The following SMG6 variants were observed in gnomAD, a reference collection of about 807,000 sequenced individuals.
The protein encoded by SMG6 is SMG6 nonsense mediated mRNA decay factor, also known as telomerase-binding protein EST1A.
Under a neutral mutation model 142.2 loss-of-function variants are expected in SMG6, and 66 were observed. The ratio of observed to expected loss-of-function variants is 0.46; its 90% CI spans 0.38 to 0.57. The LOEUF is 0.57. Among genes scored for constraint, SMG6 ranks in the 20% least tolerant of loss-of-function variants. The probability of loss-of-function intolerance (pLI) is 0.00; values close to 1 mark genes in which losing one functional copy is unlikely to be tolerated. For missense variants in SMG6, 1,793 were observed against 1,832.0 expected (o/e 0.98, Z 0.39); for synonymous variants, 779 against 702.4 (o/e 1.11, Z -1.72).
intron 8 of SMG6, among the ~76,000 whole-genome samples, chr17:2,249,351 A>G (rs772434740): frequency 1.3e-5 from 2 of 152,208 alleles, no homozygotes; most frequent in African/African-American, 2.4e-5. Flanking sequence ...CCTGGAGTGC[A>G]GTGGCAACAT....
At position 2,292,933 on chromosome 17, in the gene SMG6, T is replaced by C. The variant is rs2075071027; in HGVS notation, c.2196A>G (p.Gln732=). The change falls in exon 5 of 19, where the codon CAA becomes CAG. Residue 732 remains glutamine (Q), a synonymous_variant. Coordinates refer to ENST00000263073, the MANE Select transcript of SMG6 (RefSeq NM_017575.5). The part of the protein sequence containing the change: ...LISAQRCMIC[Q]GDIARYREQA... ...GCTCCCGGTACCTAGCAATATCTCC[T>C]TGGCATATCATGCATCGCTGGGCAC... 6.2e-7 allele frequency: 1 copy of C among 1,614,014 alleles called. No homozygotes were observed.
intron 10 of SMG6, among the ~76,000 whole-genome samples, chr17:2,221,480 A>C (rs1382995671): frequency 1.3e-5 from 2 of 152,162 alleles, no homozygotes; most frequent in East Asian, 3.8e-4. Flanking sequence ...GAGCCAATTA[A>C]ACTTCTTTTC....
In SMG6 at chr17:2,236,798, T is replaced by C. The variant is rs529379373; in HGVS notation, c.2724-161A>G. On this transcript the variant is annotated intron_variant, in intron 9 of 18. Coordinates refer to ENST00000263073, the MANE Select transcript of SMG6 (RefSeq NM_017575.5). ...CATTTCTTTGCTACTTTCACAAACC[T>C]TCCCGGTATCCTGCAATTTTGAACA... The C allele has an allele frequency of 1.9e-5, 25 of 1,315,260 alleles. No individual in the cohort carries two copies. In the East Asian group the frequency reaches 6.5e-4, roughly 34 times the overall value. 81.5% of individuals were successfully genotyped at this position (1,315,260 alleles called of 1,614,324 possible). A position where few individuals can be genotyped will look rare whatever the true frequency, so the allele number is the denominator to read the frequency against.
chr17:2,112,365 A>C (rs560699159), intron 13 of SMG6, among the ~76,000 whole-genome samples: 1 of 151,510 alleles, frequency 6.6e-6, no homozygotes, highest in Admixed American at 6.6e-5. Context: ...AAAATTAGCC[A>C]GGCGTCGTGG....
At chr17:2,283,293 G>A (rs1320537101) in intron 7 of SMG6, among the ~76,000 whole-genome samples, 7 of 152,176 alleles carry the variant, frequency 4.6e-5, no homozygotes, top group East Asian at 1.9e-4. Flanking sequence ...AAGTAGCAGA[G>A]TGTCATCTGC....
intron 13 of SMG6, among the ~76,000 whole-genome samples, chr17:2,112,007 A>G (rs2069335065): frequency 6.6e-6 from 1 of 152,148 alleles, no homozygotes; most frequent in Non-Finnish European, 1.5e-5. Flanking sequence ...CAGCAAGTAC[A>G]TATTTACAAA....
chr17:2,144,740 T>C (rs921279170), intron 13 of SMG6, among the ~76,000 whole-genome samples: 5 of 152,114 alleles, frequency 3.3e-5, no homozygotes, highest in Non-Finnish European at 5.9e-5. Context: ...TCAAGGTTTT[T>C]CAGAGTACAT....
intron 8 of SMG6, among the ~76,000 whole-genome samples, chr17:2,269,492 A>G (rs1567734048): frequency 6.6e-6 from 1 of 151,744 alleles, no homozygotes; most frequent in Non-Finnish European, 1.5e-5. Context: ...AGCAAATACA[A>G]CAAGTTGAGC....
intron 13 of SMG6, among the ~76,000 whole-genome samples, chr17:2,159,278 A>T (rs778776398): frequency 6.6e-6 from 1 of 152,054 alleles, no homozygotes; most frequent in African/African-American, 2.4e-5. Flanking sequence ...TAAAAAAATT[A>T]GGTGGGTGTG....
At position 2,258,028 on chromosome 17, in the gene SMG6, A is replaced by ATATAT. The variant is rs1260585332; in HGVS notation, c.2662-13310_2662-13309insATATA. On this transcript the variant is annotated intron_variant, in intron 8 of 18. Transcript: ENST00000263073. ...TGTCGCAAAAAAAAAAAAAAAAAAA[A>ATATAT]AAAAAAATATACACACACACACACA... is the stretch of plus-strand genomic sequence containing the variant. 3.6e-3 allele frequency among the ~76,000 whole-genome samples: 386 copies of ATATAT among 107,942 alleles called. 22 individuals carry two copies. The highest frequency in any genetic ancestry group is 0.015 in the Middle Eastern group (3 of 202). The allele number at this position is 107,942 out of a possible 152,430, so 70.8% of individuals were successfully genotyped here.
intron 8 of SMG6, among the ~76,000 whole-genome samples, chr17:2,254,562 T>C (rs2074121252): frequency 6.6e-6 from 1 of 152,164 alleles, no homozygotes. Flanking sequence ...CTTGAACTTC[T>C]GGCCTCAAGT....
chr17:2,116,808 C>G (rs2069520726), intron 13 of SMG6, among the ~76,000 whole-genome samples: 1 of 151,728 alleles, frequency 6.6e-6, no homozygotes, highest in African/African-American at 2.4e-5. Flanking sequence ...TTCAATACTT[C>G]TATCCAACAT....
Position 2,068,932 on chromosome 17 carries a change from C to G in SMG6, c.3682-1G>C. On this transcript the variant is annotated splice_acceptor_variant, in intron 15 of 18. Coordinates refer to ENST00000263073, the MANE Select transcript of SMG6 (RefSeq NM_017575.5). LOFTEE classifies it high-confidence loss of function. This position sits in a 1 kb window ranked among gnomAD's most constrained non-coding sequence, Gnocchi z 6.7. ...TCTGACTGTGGTCCTCCAGGACAGC[C>G]TATGGGGACAGAGTGGTGAATGAGC... 6.2e-7 allele frequency: 1 copy of G among 1,613,886 alleles called. No individual in the cohort carries two copies. The highest frequency in any genetic ancestry group is 8.5e-7 in the Non-Finnish European group (1 of 1,179,888).
chr17:2,249,043 C>T (rs547739022), intron 8 of SMG6, among the ~76,000 whole-genome samples: 16 of 151,566 alleles, frequency 1.1e-4, no homozygotes, highest in African/African-American at 3.4e-4. Flanking sequence ...CCCGCCACCA[C>T]GCCCCGTTAA....
intron 2 of SMG6, 111 bp from the exon 3 acceptor site, chr17:2,298,166 T>C: frequency 4.2e-6 from 4 of 955,558 alleles, no homozygotes; most frequent in East Asian, 2.6e-5. Flanking sequence ...AAATAAAAAA[T>C]GTGACCAGGT....
chr17:2,273,377 G>A (rs557130558), intron 8 of SMG6, among the ~76,000 whole-genome samples: 2 of 152,220 alleles, frequency 1.3e-5, no homozygotes, highest in South Asian at 2.1e-4. Context: ...TTAGCCAGGC[G>A]TGGCTGGGGA....
At chr17:2,270,870 G>A (rs990165849) in intron 8 of SMG6, among the ~76,000 whole-genome samples, 2 of 152,150 alleles carry the variant, frequency 1.3e-5, no homozygotes, top group Non-Finnish European at 2.9e-5. Context: ...TCAATCTTTC[G>A]AAACAATAAT....
chr17:2,132,611 T>G (rs2070159773), intron 13 of SMG6, among the ~76,000 whole-genome samples: 1 of 152,242 alleles, frequency 6.6e-6, no homozygotes, highest in Non-Finnish European at 1.5e-5. Flanking sequence ...CTGGATTCTC[T>G]GCAGACATCT....
chr17:2,160,360 C>T (rs1273218124), intron 13 of SMG6, among the ~76,000 whole-genome samples: 1 of 152,108 alleles, frequency 6.6e-6, no homozygotes, highest in Non-Finnish European at 1.5e-5. Flanking sequence ...GCTGGGATTA[C>T]AGGGTGCACA....
Sources: allele counts gnomAD v4.1 joint callset (sites outside exome capture counted in the v4.1 genomes callset), GRCh38; gene constraint gnomAD v4.1.1; non-coding constraint Gnocchi (gnomAD v3.1); transcripts MANE v1.5; gene names NCBI Gene and HGNC (gene_info 2026-07-23, HGNC 2026-07-21).